Variants in DLG2 observed in about 807,000 individuals in gnomAD.
DLG2 encodes the protein discs large MAGUK scaffold protein 2, also known as disks large homolog 2.
DLG2 carries 45 observed loss-of-function variants against 132.5 expected under a neutral mutation model. The observed-to-expected ratio is 0.34, with a 90% confidence interval of 0.27 to 0.44. DLG2 has a LOEUF of 0.44. DLG2 is among the 20% of genes least tolerant of loss of function. The pLI is 1.00. For synonymous variants in DLG2, 424 were observed against 419.6 expected (o/e 1.01, Z -0.13); for missense variants, 1,045 against 1,196.9 (o/e 0.87, Z 1.87).
chr11:85,516,967 CA>C (rs989032304), intron 3 of DLG2, among the ~76,000 whole-genome samples: 4 of 150,778 alleles, frequency 2.7e-5, no homozygotes, highest in South Asian at 4.2e-4. Context: ...AAAAACATAA[CA>C]AAAAAAAGGA....
intron 3 of DLG2, among the ~76,000 whole-genome samples, chr11:85,294,758 T>G (rs2079116325): frequency 6.6e-6 from 1 of 152,146 alleles, no homozygotes; most frequent in Non-Finnish European, 1.5e-5. Flanking sequence ...ACTTCTTCCA[T>G]AAGAGTCAAG....
At chr11:85,521,593 G>C (rs2074315026) in intron 3 of DLG2, among the ~76,000 whole-genome samples, 1 of 152,162 alleles carries the variant, frequency 6.6e-6, no homozygotes, top group Non-Finnish European at 1.5e-5. Context: ...CAGTTTGGAA[G>C]GCTGAGAACA....
intron 3 of DLG2, among the ~76,000 whole-genome samples, chr11:85,534,156 T>C (rs375149687): frequency 9.2e-5 from 14 of 151,876 alleles, no homozygotes; most frequent in Non-Finnish European, 2.1e-4. Flanking sequence ...CCTGGCTAAT[T>C]TTTGTCTGTC....
intron 3 of DLG2, among the ~76,000 whole-genome samples, chr11:85,461,493 T>C (rs760513613): frequency 6.6e-6 from 1 of 152,234 alleles, no homozygotes; most frequent in Non-Finnish European, 1.5e-5. Flanking sequence ...CTGACTATGC[T>C]GCCATGAGTG....
At chr11:85,132,463 G>C (rs192559207) in intron 5 of DLG2, among the ~76,000 whole-genome samples, 8 of 151,544 alleles carry the variant, frequency 5.3e-5, no homozygotes, top group Admixed American at 5.3e-4. Flanking sequence ...TACTACTATA[G>C]ATATTTCTAT....
chr11:85,591,587 A>G (rs1025569678), intron 3 of DLG2, among the ~76,000 whole-genome samples: 3 of 152,144 alleles, frequency 2.0e-5, no homozygotes, highest in Non-Finnish European at 2.9e-5. Flanking sequence ...AAAAAAAAAT[A>G]CAAAAATTAG....
At chr11:84,885,607 C>T (rs1371035596) in intron 6 of DLG2, among the ~76,000 whole-genome samples, 1 of 152,076 alleles carries the variant, frequency 6.6e-6, no homozygotes, top group Non-Finnish European at 1.5e-5. Context: ...AGGCAAACCA[C>T]TTAGTTCCTT....
chr11:84,284,465 C>T (rs559535396), intron 7 of DLG2, among the ~76,000 whole-genome samples: 56 of 152,314 alleles, frequency 3.7e-4, no homozygotes, highest in African/African-American at 1.3e-3. Flanking sequence ...CATCGTATTA[C>T]AGTGATATCC....
chr11:84,698,249 T>TA (rs1307117772), intron 6 of DLG2, among the ~76,000 whole-genome samples: 2 of 151,494 alleles, frequency 1.3e-5, no homozygotes, highest in Non-Finnish European at 1.5e-5. Flanking sequence ...TTTAAATTCA[T>TA]AGTGTTTGTC....
intron 4 of DLG2, among the ~76,000 whole-genome samples, chr11:85,200,927 G>T (rs912475588): frequency 2.0e-4 from 31 of 151,946 alleles, no homozygotes; most frequent in African/African-American, 7.5e-4. Flanking sequence ...ATCACAAGGG[G>T]CCCCATCAGC....
chr11:84,133,001 C>A (rs938537193), intron 9 of DLG2, among the ~76,000 whole-genome samples: 1 of 151,974 alleles, frequency 6.6e-6, no homozygotes, highest in Non-Finnish European at 1.5e-5. Flanking sequence ...GCTATATTTA[C>A]AGAAGTAGGT....
intron 3 of DLG2, among the ~76,000 whole-genome samples, chr11:85,348,131 G>A (rs911763068): frequency 2.0e-5 from 3 of 151,176 alleles, no homozygotes; most frequent in South Asian, 2.1e-4. Flanking sequence ...GACTACACGC[G>A]CATGCCACCA....
At chr11:83,725,054 C>T in intron 18 of DLG2, 1 of 584,234 alleles carries the variant, frequency 1.7e-6, no homozygotes, top group East Asian at 2.8e-5. Context: ...AGGCTAGTGG[C>T]AGAGCTAGTT....
At chr11:84,227,740 C>G (rs1001785394) in intron 8 of DLG2, among the ~76,000 whole-genome samples, 34 of 151,926 alleles carry the variant, frequency 2.2e-4, no homozygotes, top group South Asian at 1.0e-3. Flanking sequence ...ATAATGAAAC[C>G]TTGTCTCTAC....
At chr11:85,445,394 C>T (rs964436186) in intron 3 of DLG2, among the ~76,000 whole-genome samples, 7 of 152,170 alleles carry the variant, frequency 4.6e-5, no homozygotes, top group Admixed American at 4.6e-4. Context: ...ATTGAAAGCA[C>T]TGGCCGGGCG....
At chr11:83,531,184 T>C (rs2095733975) in intron 21 of DLG2, among the ~76,000 whole-genome samples, 1 of 812 alleles carries the variant, frequency 1.2e-3, no homozygotes, top group Non-Finnish European at 1.7e-3. Context: ...ATTAGAACCT[T>C]TTGTGTACCA....
intron 3 of DLG2, among the ~76,000 whole-genome samples, chr11:85,533,007 T>G (rs187948186): frequency 2.4e-4 from 36 of 151,240 alleles, no homozygotes; most frequent in Admixed American, 2.0e-3. Context: ...CTAAGGTGTT[T>G]TTGTTGTTGT....
chr11:84,080,637 T>A (rs2096888526), intron 10 of DLG2, among the ~76,000 whole-genome samples: 1 of 152,230 alleles, frequency 6.6e-6, no homozygotes, highest in Admixed American at 6.5e-5. Flanking sequence ...TTATTCAACA[T>A]GCAGATAAAC....
At chr11:85,391,365 A>G (rs116587027) in intron 3 of DLG2, among the ~76,000 whole-genome samples, 2 of 152,074 alleles carry the variant, frequency 1.3e-5, no homozygotes, top group African/African-American at 4.8e-5. Context: ...TCAGACATTC[A>G]AGGAATTGGT....
Sources: gnomAD v4.1 joint callset for allele counts (sites outside exome capture counted in the v4.1 genomes callset) on GRCh38, gnomAD v4.1.1 for gene constraint, MANE v1.5 for transcripts, NCBI Gene and HGNC (gene_info 2026-07-23, HGNC 2026-07-21) for gene names.